ATP6V0A1: variants seen among roughly 807,000 people sequenced by gnomAD.
The protein encoded by ATP6V0A1 is V-type proton ATPase 116 kDa subunit a 1.
A neutral mutation model predicts 105.4 loss-of-function variants in ATP6V0A1; 43 were observed. The observed-to-expected ratio is 0.41, with a 90% CI of 0.32 to 0.53. ATP6V0A1 has a LOEUF of 0.53. Ranked by LOEUF, ATP6V0A1 falls within the 20% of genes least tolerant of loss-of-function variation. ATP6V0A1 has a pLI of 0.30. For missense variants in ATP6V0A1, 676 were observed against 1,051.1 expected, an observed-to-expected ratio of 0.64 and a Z score of 4.93; for synonymous variants, 362 against 372.8, an observed-to-expected ratio of 0.97 and a Z score of 0.33.
intron 18 of ATP6V0A1, 149 bp downstream of exon 18, chr17:42,507,776 C>T: frequency 1.5e-6 from 1 of 684,346 alleles, no homozygotes; most frequent in Non-Finnish European, 2.6e-6. Flanking sequence ...TAGGGCACCA[C>T]AGCTTTTTCC....
intron 17 of ATP6V0A1, among the ~76,000 whole-genome samples, chr17:42,505,787 CT>C (rs200710030): frequency 0.33 from 46,776 of 142,972 alleles, 8,455 homozygotes; most frequent in East Asian, 0.56. Flanking sequence ...TTTCATATGT[CT>C]TTTTTTTTTT....
At chr17:42,500,648 A>C (rs1338116667) in intron 15 of ATP6V0A1, 59 bp from the exon 16 acceptor site, 17 of 1,325,470 alleles carry the variant, frequency 1.3e-5, no homozygotes, top group Non-Finnish European at 1.7e-5. Context: ...TACTCCATTC[A>C]GTGTAGGAGT....
Position 42,486,611 on chromosome 17 carries a change from T to C in ATP6V0A1, c.811-544T>C, listed in dbSNP as rs536922116. ...ACCTTAGCTGCCCTCATGATGGCAG[T>C]GGTATGTGGCAGTCCAAGCCCCCTG... On this transcript the variant is annotated intron_variant, in intron 9 of 21. Transcript: ENST00000343619. Among the ~76,000 whole-genome samples, 9 of 152,226 alleles carry C rather than the reference T, an allele frequency of 5.9e-5. No homozygotes were observed. The East Asian group carries it at 1.5e-3, about 26-fold the overall frequency.
Position 42,490,639 on chromosome 17 carries a change from T to TA in ATP6V0A1, c.1174+10dup, listed in dbSNP as rs762000978. ...GAACTTACCGAGAGATAAATCCAGG[T>TA]AAAAAAAAGCTTGTTATCTTTTTCC... On this transcript the variant is annotated splice_region_variant and intron_variant, in intron 11 of 21. Transcript: ENST00000343619. 4.4e-5 allele frequency: 70 copies of TA among 1,578,868 alleles called. No homozygotes were observed. The highest frequency in any genetic ancestry group is 1.1e-4 in the East Asian group (5 of 44,222).
Sources: gnomAD v4.1 joint callset for allele counts (sites outside exome capture counted in the v4.1 genomes callset) on GRCh38, gnomAD v4.1.1 for gene constraint, MANE v1.5 for transcripts, NCBI Gene and HGNC (gene_info 2026-07-23, HGNC 2026-07-21) for gene names.